Variants in ESRRG observed in about 807,000 individuals in gnomAD.
ESRRG encodes estrogen-related receptor gamma.
ESRRG carries 13 observed loss-of-function variants against 44.0 expected under a neutral mutation model. The ratio of observed to expected loss-of-function variants is 0.30; its 90% CI spans 0.19 to 0.47. ESRRG has a LOEUF of 0.47. Among genes scored for constraint, ESRRG ranks in the 20% least tolerant of loss-of-function variants. The pLI, the probability that ESRRG is intolerant of heterozygous loss-of-function variation, is 1.00. For synonymous variants in ESRRG, 215 were observed against 214.6 expected (o/e 1.00, Z -0.02); for missense variants, 395 against 580.6 (o/e 0.68, Z 3.29).
chr1:216,701,729 G>C (rs2081419916), intron 1 of ESRRG, among the ~76,000 whole-genome samples: 1 of 152,144 alleles, frequency 6.6e-6, no homozygotes, highest in South Asian at 2.1e-4. Flanking sequence ...AAATGCCCAT[G>C]ATTTATTATT....
intron 5 of ESRRG, among the ~76,000 whole-genome samples, chr1:216,554,895 C>T (rs1003336812): frequency 3.3e-5 from 5 of 152,170 alleles, no homozygotes; most frequent in African/African-American, 1.2e-4. Context: ...TCCTCTTCTC[C>T]TTTCACTGCC....
intron 3 of ESRRG, among the ~76,000 whole-genome samples, chr1:216,625,345 C>T (rs913580732): frequency 1.3e-4 from 20 of 148,758 alleles, no homozygotes; most frequent in Admixed American, 1.3e-4. Context: ...TTATCACCTA[C>T]CAAATGTCCC....
intron 1 of ESRRG, among the ~76,000 whole-genome samples, chr1:217,125,713 C>A (rs1057363757): frequency 7.2e-5 from 11 of 152,186 alleles, no homozygotes; most frequent in Non-Finnish European, 1.5e-4. Flanking sequence ...ACTGGAAGAT[C>A]ACTTTGAATC....
intron 2 of ESRRG, among the ~76,000 whole-genome samples, chr1:216,793,831 A>G (rs2094396925): frequency 1.3e-5 from 2 of 152,192 alleles, no homozygotes; most frequent in South Asian, 2.1e-4. Context: ...CTACAGGTTT[A>G]GCAGAGTGCC....
chr1:216,601,804 A>G (rs1361434229), intron 3 of ESRRG, among the ~76,000 whole-genome samples: 1 of 152,234 alleles, frequency 6.6e-6, no homozygotes, highest in Non-Finnish European at 1.5e-5. Flanking sequence ...TTATGTTTAT[A>G]GCTCCTTAAT....
chr1:216,982,517 T>C (rs1431540177), intron 1 of ESRRG, among the ~76,000 whole-genome samples: 1 of 152,126 alleles, frequency 6.6e-6, no homozygotes, highest in Non-Finnish European at 1.5e-5. Flanking sequence ...TACTCATGGA[T>C]AGAAATACAA....
At chr1:217,125,265 C>T (rs779619237) in intron 1 of ESRRG, among the ~76,000 whole-genome samples, 2 of 152,162 alleles carry the variant, frequency 1.3e-5, no homozygotes, top group Non-Finnish European at 2.9e-5. Context: ...GTATCCTGTA[C>T]AGCACTAGAC....
At chr1:216,517,593 C>A (rs1306347024) in intron 6 of ESRRG, among the ~76,000 whole-genome samples, 1 of 152,038 alleles carries the variant, frequency 6.6e-6, no homozygotes, top group Non-Finnish European at 1.5e-5. Flanking sequence ...AAATTAGAAT[C>A]GTTTCATGAT....
intron 3 of ESRRG, among the ~76,000 whole-genome samples, chr1:216,648,057 T>G (rs1016312290): frequency 6.6e-6 from 1 of 152,174 alleles, no homozygotes; most frequent in African/African-American, 2.4e-5. Context: ...CAGGTTTACA[T>G]TTGAATAGAT....
chr1:216,506,518 T>A lies in ESRRG; in HGVS notation c.*421A>T, dbSNP rs1461968625. 1 of 404,830 alleles carries A rather than the reference T, an allele frequency of 2.5e-6. No homozygotes were observed. The highest frequency in any genetic ancestry group is 4.8e-6 in the Non-Finnish European group (1 of 207,262). The allele number at this position is 404,830 out of a possible 1,614,324, so 25.1% of individuals were successfully genotyped here. A position where few individuals can be genotyped will look rare whatever the true frequency, so the allele number is the denominator to read the frequency against. On this transcript the variant is annotated 3_prime_UTR_variant, in exon 7 of 7. Transcript: ENST00000408911. ...GGAAAGGAAAGGGGGAAGGGAGGAT[T>A]TTTTTTTAAACTAAAGCTATTTCAA...
At chr1:216,842,002 C>A (rs973690707) in intron 2 of ESRRG, among the ~76,000 whole-genome samples, 7 of 151,930 alleles carry the variant, frequency 4.6e-5, no homozygotes, top group African/African-American at 1.7e-4. Context: ...ATAAAATAAG[C>A]TTTGGCCATT....
intron 2 of ESRRG, among the ~76,000 whole-genome samples, chr1:216,827,655 A>G (rs548948274): frequency 4.3e-4 from 65 of 152,338 alleles, no homozygotes; most frequent in Non-Finnish European, 8.8e-4. Context: ...TACGTATTCT[A>G]TCTCACGAAT....
At chr1:216,914,367 C>A (rs2060869148) in intron 2 of ESRRG, among the ~76,000 whole-genome samples, 1 of 152,166 alleles carries the variant, frequency 6.6e-6, no homozygotes, top group Non-Finnish European at 1.5e-5. Context: ...ATATGAGCCT[C>A]ATCACACAAA....
chr1:217,054,295 G>C (rs185803917), intron 1 of ESRRG, among the ~76,000 whole-genome samples: 2 of 152,230 alleles, frequency 1.3e-5, no homozygotes, highest in Admixed American at 6.5e-5. Context: ...GTCATACTGG[G>C]GGGGAGCATA....
intron 2 of ESRRG, among the ~76,000 whole-genome samples, chr1:216,829,549 G>GTTTTTTTTTTT (rs66515526): frequency 2.2e-5 from 3 of 135,634 alleles, no homozygotes; most frequent in Non-Finnish European, 3.2e-5. Context: ...AAATGCCACA[G>GTTTTTTTTTTT]TTTTTTTTTT....
At chr1:216,523,037 G>C (rs1417372993) in intron 5 of ESRRG, among the ~76,000 whole-genome samples, 1 of 152,058 alleles carries the variant, frequency 6.6e-6, no homozygotes, top group Non-Finnish European at 1.5e-5. Flanking sequence ...TTCATGTTTT[G>C]TACATCCTGG....
intron 2 of ESRRG, among the ~76,000 whole-genome samples, chr1:216,805,523 G>A (rs117785982): frequency 6.6e-6 from 1 of 152,246 alleles, no homozygotes; most frequent in East Asian, 1.9e-4. Context: ...CGGGTCACAA[G>A]TGAAATTCCC....
At chr1:216,881,221 C>T (rs1338810688) in intron 2 of ESRRG, among the ~76,000 whole-genome samples, 1 of 152,020 alleles carries the variant, frequency 6.6e-6, no homozygotes, top group Non-Finnish European at 1.5e-5. Flanking sequence ...AATTTCCTCA[C>T]TAAGACAGGA....
chr1:216,709,216 T>A lies in ESRRG; in HGVS notation c.56+14028A>T, dbSNP rs529743898. ...GTATCCCAGAACTTAAAGTATAATT[T>A]AAAAAAAAGAAATCAGTGTAATGAC... On this transcript the variant is annotated intron_variant, in intron 1 of 6. Coordinates refer to ENST00000408911, the MANE Select transcript of ESRRG (RefSeq NM_001438.4). Among the ~76,000 whole-genome samples, 300 of 151,492 alleles carry A rather than the reference T, an allele frequency of 2.0e-3. 1 individual carries two copies. Among genetic ancestry groups the A allele is most frequent in the Middle Eastern group, 6.8e-3 (2 of 292 alleles).
Sources: allele counts gnomAD v4.1 joint callset (sites outside exome capture counted in the v4.1 genomes callset), GRCh38; gene constraint gnomAD v4.1.1; transcripts MANE v1.5; gene names NCBI Gene and HGNC (gene_info 2026-07-23, HGNC 2026-07-21).